The following ZFPM1 variants were observed in gnomAD, a reference collection of about 807,000 sequenced individuals.
ZFPM1 encodes the protein zinc finger protein, FOG family member 1.
A neutral mutation model predicts 46.3 loss-of-function variants in ZFPM1; 28 were observed. That is an observed-to-expected ratio of 0.60 (90% CI 0.45 to 0.83). The LOEUF is 0.83. Among genes scored for constraint, ZFPM1 ranks in the 40% least tolerant of loss-of-function variants. The pLI is 0.00. For synonymous variants in ZFPM1, 957 were observed against 675.9 expected, an observed-to-expected ratio of 1.42 and a Z score of -6.45; for missense variants, 1,878 against 1,432.4, an observed-to-expected ratio of 1.31 and a Z score of -5.02.
intron 3 of ZFPM1, among the ~76,000 whole-genome samples, chr16:88,500,311 C>T (rs960368302): frequency 4.6e-5 from 7 of 152,384 alleles, no homozygotes; most frequent in Admixed American, 2.6e-4. Flanking sequence ...GCCAGCTCCC[C>T]CCATGAGCTG....
rs757299002 is a variant in ZFPM1 at position 88,486,022 on chromosome 16, G to A, written c.124G>A (p.Ala42Thr). ...GGAGCAAAAGGCCACGGCACCTGAA[G>A]CCCCGAGCCCTCCCAGCGCAGGTGA... Reference protein sequence around the residue: ...HMEQKATAPEAPSPPSADVNS... With the variant: ...HMEQKATAPETPSPPSADVNS... Residue 42 changes from alanine (A) to threonine (T), a missense_variant, in exon 2 of 10, where the codon GCC (alanine) becomes ACC (threonine). Ala to Thr is a moderately conservative substitution (Grantham distance 58). Coordinates refer to ENST00000319555, the MANE Select transcript of ZFPM1 (RefSeq NM_153813.3). 1 of 1,612,520 alleles carries A rather than the reference G, an allele frequency of 6.2e-7. No individual in the cohort carries two copies. Among genetic ancestry groups the A allele is most frequent in the South Asian group, 1.1e-5 (1 of 91,012 alleles).
rs1266560801 is a variant in ZFPM1 at position 88,536,750 on chromosome 16, A to T, written c.*1771A>T. 1 of 152,236 alleles carries T rather than the reference A, an allele frequency of 6.6e-6. No homozygotes were observed. The highest frequency in any genetic ancestry group is 1.5e-5 in the Non-Finnish European group (1 of 68,056). The allele number at this position is 152,236 out of a possible 1,614,324, so 9.4% of individuals were successfully genotyped here. Reference sequence around the variant, plus strand: ...ACATGGCTTCCACCCCCTCCCAGGGACCTGAGCTCCAGGGAAGGCAAGCAG... The same window carrying T: ...ACATGGCTTCCACCCCCTCCCAGGGTCCTGAGCTCCAGGGAAGGCAAGCAG... On this transcript the variant is annotated 3_prime_UTR_variant, in exon 10 of 10. Transcript: ENST00000319555.
At chr16:88,477,877 C>G (rs1191908572) in intron 1 of ZFPM1, among the ~76,000 whole-genome samples, 5 of 152,234 alleles carry the variant, frequency 3.3e-5, no homozygotes, top group Non-Finnish European at 7.3e-5. Flanking sequence ...CAGCAGCTCC[C>G]CAGGCTTGGC....
At chr16:88,515,762 T>G (rs1911258184) in intron 4 of ZFPM1, among the ~76,000 whole-genome samples, 1 of 152,208 alleles carries the variant, frequency 6.6e-6, no homozygotes, top group Non-Finnish European at 1.5e-5. Flanking sequence ...GAGCCACATT[T>G]CAGCTCCACC....
At chr16:88,470,382 G>T (rs1002005407) in intron 1 of ZFPM1, among the ~76,000 whole-genome samples, 2 of 152,234 alleles carry the variant, frequency 1.3e-5, no homozygotes, top group African/African-American at 4.8e-5. Context: ...GACCCCAGGT[G>T]ACCTCATGGA....
In ZFPM1 at chr16:88,453,533, G is replaced by A; in HGVS notation, c.-106G>A. On this transcript the variant is annotated 5_prime_UTR_variant, in exon 1 of 10. Transcript: ENST00000319555. ...GGGCCGGGGCGGCCGCGGAGACCGG[G>A]GGCCGGGGGCATGAGCGGCCCCGCG... The A allele has an allele frequency of 2.0e-6, 1 of 495,150 alleles. No homozygotes were observed. Among genetic ancestry groups the A allele is most frequent in the Non-Finnish European group, 2.6e-6 (1 of 385,308 alleles). The allele number at this position is 495,150 out of a possible 1,614,324, so 30.7% of individuals were successfully genotyped here. A position where few individuals can be genotyped will look rare whatever the true frequency, so the allele number is the denominator to read the frequency against.
intron 6 of ZFPM1, among the ~76,000 whole-genome samples, chr16:88,529,369 C>G (rs1489822700): frequency 6.6e-6 from 1 of 152,178 alleles, no homozygotes; most frequent in Non-Finnish European, 1.5e-5. Flanking sequence ...CCTTTGTGAG[C>G]AAGTCGGATG....
chr16:88,488,132 C>A (rs1909339751), intron 2 of ZFPM1, among the ~76,000 whole-genome samples: 1 of 152,228 alleles, frequency 6.6e-6, no homozygotes, highest in Non-Finnish European at 1.5e-5. Context: ...TTGGCTGTCA[C>A]CGCCGCCAGC....
In ZFPM1 at chr16:88,453,633, G is replaced by C; in HGVS notation, c.-6G>C. On this transcript the variant is annotated 5_prime_UTR_variant, in exon 1 of 10. Coordinates refer to ENST00000319555, the MANE Select transcript of ZFPM1 (RefSeq NM_153813.3). ...GGCCGCCGGGAGGGCGCGCGGCGCC[G>C]GAGACATGTCCAGGCGGAAACAGAG... 1 of 1,147,400 alleles carries C rather than the reference G, an allele frequency of 8.7e-7. No homozygotes were observed. The allele number at this position is 1,147,400 out of a possible 1,614,324, so 71.1% of individuals were successfully genotyped here.
chr16:88,499,486 T>C (rs1316610742), intron 3 of ZFPM1, among the ~76,000 whole-genome samples: 2 of 151,956 alleles, frequency 1.3e-5, no homozygotes, highest in Non-Finnish European at 2.9e-5. Flanking sequence ...CCGGCCCAGC[T>C]GACTTTGGGA....
chr16:88,532,912 A>G lies in ZFPM1; in HGVS notation c.1166A>G (p.His389Arg), dbSNP rs763561013. 6.2e-7 allele frequency: 1 copy of G among 1,613,152 alleles called. No homozygotes were observed. Among genetic ancestry groups the G allele is most frequent in the Non-Finnish European group, 8.5e-7 (1 of 1,179,956 alleles). The change falls in exon 9 of 10, where the codon CAC becomes CGC. Residue 389 changes from histidine (H) to arginine (R), a missense_variant. His to Arg is a conservative substitution (Grantham distance 29). Coordinates refer to ENST00000319555, the MANE Select transcript of ZFPM1 (RefSeq NM_153813.3). Reference protein sequence around the residue: ...KGEIYSPGAGHPATKLPPDSL... With the variant: ...KGEIYSPGAGRPATKLPPDSL... ...GAGATCTACTCGCCAGGGGCCGGAC[A>G]CCCAGCAACCAAGCTGCCCCCAGGT...
intron 4 of ZFPM1, among the ~76,000 whole-genome samples, chr16:88,525,783 C>T (rs1912266149): frequency 6.6e-6 from 1 of 152,244 alleles, no homozygotes; most frequent in Non-Finnish European, 1.5e-5. Context: ...CCCACCTCGC[C>T]CTGTCCCAGC....
chr16:88,532,007 G>A lies in ZFPM1; in HGVS notation c.718G>A (p.Val240Ile), dbSNP rs75279347. 3,184 of 1,600,976 alleles carry A rather than the reference G, an allele frequency of 2.0e-3. 60 individuals are homozygous for A. The African/African-American group carries it at 0.038, about 19-fold the overall frequency. The change falls in exon 7 of 10, where the codon GTC (valine) becomes ATC (isoleucine). Residue 240 changes from valine to isoleucine, a missense_variant. By Grantham distance (29) the Val-to-Ile change is conservative. Coordinates refer to ENST00000319555, the MANE Select transcript of ZFPM1 (RefSeq NM_153813.3). ...GCCTGCTTCCCACCCCACAGAAGAC[G>A]TCTTCCCCTGCAAGGACTGTGGCAT... ...ILATAVINKD[V>I]FPCKDCGIWY...
In ZFPM1 at chr16:88,528,091, C is replaced by T. The variant is rs935057951; in HGVS notation, c.565C>T (p.Leu189Phe). 2.5e-6 allele frequency: 4 copies of T among 1,574,750 alleles called. No homozygotes were observed. In the African/African-American group the frequency reaches 5.4e-5, roughly 21 times the overall value. Residue 189 changes from leucine to phenylalanine, a missense_variant, in exon 6 of 10, where the codon CTC (leucine) becomes TTC (phenylalanine). Coordinates refer to ENST00000319555, the MANE Select transcript of ZFPM1 (RefSeq NM_153813.3). ...PVPAGGLLSV[L>F]LTAEPHSTPG... ...GCCTGCGGGGGGACTCCTGAGCGTG[C>T]TCCTCACGGCCGAGCCCCACAGCAC...
intron 1 of ZFPM1, among the ~76,000 whole-genome samples, chr16:88,459,394 C>A (rs2142337447): frequency 6.6e-6 from 1 of 152,310 alleles, no homozygotes; most frequent in African/African-American, 2.4e-5. Flanking sequence ...AAGGCCTACC[C>A]ATGTGAGCCT....
At chr16:88,516,581 C>T (rs1287365450) in intron 4 of ZFPM1, 3 of 398,530 alleles carry the variant, frequency 7.5e-6, no homozygotes, top group East Asian at 7.1e-5. Context: ...TCCGCCTTGG[C>T]GCCGAGTGTC....
chr16:88,515,318 G>A (rs1285292750), intron 4 of ZFPM1, among the ~76,000 whole-genome samples: 3 of 152,162 alleles, frequency 2.0e-5, no homozygotes, highest in Admixed American at 6.5e-5. Flanking sequence ...TGGGAAGCTG[G>A]CCCAGGACAG....
At chr16:88,523,222 A>C (rs931035344) in intron 4 of ZFPM1, among the ~76,000 whole-genome samples, 1 of 151,506 alleles carries the variant, frequency 6.6e-6, no homozygotes, top group East Asian at 1.9e-4. Context: ...AAAAAAAAAA[A>C]TAGGCCCCCT....
At chr16:88,523,376 C>G (rs566945140) in intron 4 of ZFPM1, among the ~76,000 whole-genome samples, 8 of 152,324 alleles carry the variant, frequency 5.3e-5, no homozygotes, top group Non-Finnish European at 1.0e-4. Flanking sequence ...CCGTGCCCGG[C>G]CAGCCCCTCC....
Sources: allele counts gnomAD v4.1 joint callset (sites outside exome capture counted in the v4.1 genomes callset), GRCh38; gene constraint gnomAD v4.1.1; transcripts MANE v1.5; gene names NCBI Gene and HGNC (gene_info 2026-07-23, HGNC 2026-07-21).